The following CHODL variants were observed in gnomAD, a reference collection of about 807,000 sequenced individuals.
CHODL encodes transmembrane protein MT75.
Under a neutral mutation model 34.5 loss-of-function variants are expected in CHODL, and 29 were observed. The ratio of observed to expected loss-of-function variants is 0.84; its 90% CI spans 0.63 to 1.15. The LOEUF (loss-of-function observed/expected upper bound fraction) is 1.15. Ranked by LOEUF, CHODL falls within the 50% of genes most tolerant of loss-of-function variation. The pLI is 0.00. For missense variants in CHODL, 332 were observed against 332.5 expected (o/e 1.00, Z 0.01); for synonymous variants, 125 against 116.1 (o/e 1.08, Z -0.49).
At chr21:18,215,410 A>C (rs999408705) in intron 2 of CHODL, among the ~76,000 whole-genome samples, 11 of 152,120 alleles carry the variant, frequency 7.2e-5, no homozygotes, top group Admixed American at 7.2e-4. Flanking sequence ...GTCTAATAAT[A>C]AGATCAAACA....
intron 1 of CHODL, among the ~76,000 whole-genome samples, chr21:17,948,488 A>G (rs2063430619): frequency 6.6e-6 from 1 of 152,056 alleles, no homozygotes; most frequent in Admixed American, 6.6e-5. Context: ...CAACAAAATT[A>G]AGAGTTTGTT....
chr21:18,141,233 T>G (rs1244064771), intron 2 of CHODL, among the ~76,000 whole-genome samples: 1 of 152,060 alleles, frequency 6.6e-6, no homozygotes, highest in East Asian at 1.9e-4. Flanking sequence ...TTACTGAAGG[T>G]TTATATGCAG....
chr21:17,958,675 A>G (rs1357299923), intron 1 of CHODL, among the ~76,000 whole-genome samples: 1 of 152,206 alleles, frequency 6.6e-6, no homozygotes, highest in Non-Finnish European at 1.5e-5. Flanking sequence ...AGTGGAAGTT[A>G]GTGAGAAAGT....
intron 2 of CHODL, among the ~76,000 whole-genome samples, chr21:18,205,088 T>C (rs991689399): frequency 6.6e-6 from 1 of 152,170 alleles, no homozygotes; most frequent in African/African-American, 2.4e-5. Flanking sequence ...TTCTTTCTCT[T>C]GTGTGATTGC....
rs2074399125 is a variant in CHODL at position 18,262,825 on chromosome 21, A to G, written c.669A>G (p.Pro223=). Residue 223 remains proline (P), a synonymous_variant, in exon 5 of 6, where the codon CCA becomes CCG. Transcript: ENST00000299295. ...CCAATCTAATTTATGTTGTTATACC[A>G]ACAATACCCCTGCTCTTACTGATAC... ...IIPNLIYVVI[P]TIPLLLLILV... The G allele has an allele frequency of 1.9e-6, 3 of 1,607,606 alleles. No homozygotes were observed. The highest frequency in any genetic ancestry group is 2.2e-5 in the East Asian group (1 of 44,764).
At chr21:18,263,022 A>G (rs1451808524) in intron 5 of CHODL, 129 bp downstream of exon 5, 7 of 597,814 alleles carry the variant, frequency 1.2e-5, no homozygotes, top group Non-Finnish European at 2.1e-5. Context: ...ATACAATCTA[A>G]TAAGATATAC....
At position 18,199,382 on chromosome 21, in the gene CHODL, T is replaced by C. The variant is rs143783599; in HGVS notation, c.-44-57127T>C. Among the ~76,000 whole-genome samples the C allele has an allele frequency of 8.1e-3, 1,236 of 152,238 alleles. 28 individuals are homozygous for C. In the South Asian group the frequency reaches 0.1, roughly 13 times the overall value. On this transcript the variant is annotated intron_variant, in intron 2 of 6. Coordinates refer to the CHODL transcript ENST00000400127. ...GCAGATAGCACAGAGAGAGTTTCCT[T>C]CCCATATACTCCCTCTGCCCAGACA...
At chr21:18,216,929 T>C (rs990134310) in intron 2 of CHODL, among the ~76,000 whole-genome samples, 3 of 152,120 alleles carry the variant, frequency 2.0e-5, no homozygotes, top group African/African-American at 7.2e-5. Flanking sequence ...CACGTGGAGA[T>C]TACAATTCAA....
chr21:18,198,281 T>A (rs1222543734), intron 2 of CHODL, among the ~76,000 whole-genome samples: 1 of 152,196 alleles, frequency 6.6e-6, no homozygotes, highest in African/African-American at 2.4e-5. Context: ...ACAGCAAGAT[T>A]ATACTCTTTG....
intron 2 of CHODL, among the ~76,000 whole-genome samples, chr21:18,208,770 T>C (rs2073741004): frequency 6.6e-6 from 1 of 152,078 alleles, no homozygotes; most frequent in African/African-American, 2.4e-5. Context: ...CAAATTTGGT[T>C]GTCTTTGGTA....
intron 1 of CHODL, among the ~76,000 whole-genome samples, chr21:17,943,788 A>G (rs17451222): frequency 0.022 from 3,311 of 152,282 alleles, 123 homozygotes; most frequent in African/African-American, 0.075. Context: ...AGTTTCTACA[A>G]TGGGGAAAGA....
Position 18,245,079 on chromosome 21 carries a change from G to T in CHODL, c.-145G>T, listed in dbSNP as rs996215259. 5 of 629,584 alleles carry T rather than the reference G, an allele frequency of 7.9e-6. No individual in the cohort carries two copies. The highest frequency in any genetic ancestry group is 3.5e-5 in the East Asian group (1 of 28,504). The allele number at this position is 629,584 out of a possible 1,614,324, so 39.0% of individuals were successfully genotyped here. A position where few individuals can be genotyped will look rare whatever the true frequency, so the allele number is the denominator to read the frequency against. ...CAGGTCCCGGCCGAAGGCGATGCGC[G>T]CAGGGGGTCGGGCAGCTGGGCTCGG... On this transcript the variant is annotated 5_prime_UTR_variant, in exon 1 of 6. Transcript: ENST00000299295.
chr21:18,233,632 T>A (rs550525239), intron 2 of CHODL, among the ~76,000 whole-genome samples: 6 of 152,248 alleles, frequency 3.9e-5, no homozygotes, highest in African/African-American at 1.4e-4. Flanking sequence ...CTTTAACAGT[T>A]CAGCTTTCAT....
chr21:17,922,892 C>CT (rs2063193625), intron 1 of CHODL, among the ~76,000 whole-genome samples: 1 of 152,024 alleles, frequency 6.6e-6, no homozygotes, highest in Non-Finnish European at 1.5e-5. Context: ...GCACAGCTTG[C>CT]TTTTATTCAT....
At chr21:17,944,521 A>G (rs996736945) in intron 1 of CHODL, among the ~76,000 whole-genome samples, 1 of 152,140 alleles carries the variant, frequency 6.6e-6, no homozygotes, top group Non-Finnish European at 1.5e-5. Context: ...ATTTCTAAGG[A>G]GCATAGCCTC....
At chr21:18,008,812 G>C (rs2146409432) in intron 1 of CHODL, among the ~76,000 whole-genome samples, 1 of 152,174 alleles carries the variant, frequency 6.6e-6, no homozygotes, top group East Asian at 1.9e-4. Flanking sequence ...TTACTCCGTT[G>C]GCATATTGGT....
chr21:18,121,824 C>T (rs2065483116), intron 2 of CHODL, among the ~76,000 whole-genome samples: 1 of 152,168 alleles, frequency 6.6e-6, no homozygotes, highest in Non-Finnish European at 1.5e-5. Flanking sequence ...TATCAAGCGC[C>T]TTTAGATCCA....
rs567601069 is a variant in CHODL at position 18,033,413 on chromosome 21, C to T, written c.-45+5442C>T. Among the ~76,000 whole-genome samples the T allele has an allele frequency of 3.3e-5, 5 of 152,034 alleles. No homozygotes were observed. The East Asian group carries it at 9.7e-4, about 30-fold the overall frequency. On this transcript the variant is annotated intron_variant, in intron 2 of 6. Transcript: ENST00000400127. ...TTATCTGACATATATTTAAAAAGAA[C>T]CATTTATTTATTATTCTCTTCAGGT... is the stretch of plus-strand genomic sequence containing the variant.
rs977451059 is a variant in CHODL, at chr21:18,023,282, G to C, written c.-144-4590G>C. On this transcript the variant is annotated intron_variant, in intron 1 of 6. Transcript: ENST00000400127. ...CCAGCTGGAGCTGCTCTCAAGGGGA[G>C]GTGGTGTGGGGGCTTAGCTGCTGTG... 1.1e-3 allele frequency among the ~76,000 whole-genome samples: 165 copies of C among 152,204 alleles called. 1 individual carries two copies. The highest frequency in any genetic ancestry group is 3.8e-3 in the African/African-American group (159 of 41,528).
Sources: allele counts gnomAD v4.1 joint callset (sites outside exome capture counted in the v4.1 genomes callset), GRCh38; gene constraint gnomAD v4.1.1; transcripts MANE v1.5; gene names NCBI Gene and HGNC (gene_info 2026-07-23, HGNC 2026-07-21).